The following STXBP5L variants were observed in gnomAD, a reference collection of about 807,000 sequenced individuals.
STXBP5L encodes syntaxin binding protein 5L.
A neutral mutation model predicts 144.5 loss-of-function variants in STXBP5L; 65 were observed. The observed-to-expected ratio is 0.45, with a 90% confidence interval of 0.37 to 0.55. STXBP5L has a LOEUF of 0.55. Among genes scored for constraint, STXBP5L ranks in the 20% least tolerant of loss-of-function variants. The probability of loss-of-function intolerance (pLI) is 0.00; values close to 1 mark genes in which losing one functional copy is unlikely to be tolerated. For missense variants in STXBP5L, 1,298 were observed against 1,405.5 expected (o/e 0.92, Z 1.22); for synonymous variants, 505 against 469.6 (o/e 1.08, Z -0.97).
At chr3:120,924,450 TA>T (rs1338469848) in intron 2 of STXBP5L, among the ~76,000 whole-genome samples, 1 of 152,186 alleles carries the variant, frequency 6.6e-6, no homozygotes, top group Non-Finnish European at 1.5e-5. Context: ...CAGTAATATT[TA>T]AATATAGATA....
chr3:121,057,817 T>C (rs931132372), intron 5 of STXBP5L, among the ~76,000 whole-genome samples: 1 of 152,004 alleles, frequency 6.6e-6, no homozygotes, highest in East Asian at 1.9e-4. Flanking sequence ...TAATAAAAAT[T>C]TTTAAATTCT....
chr3:121,271,933 G>T (rs999402933), intron 18 of STXBP5L, among the ~76,000 whole-genome samples: 3 of 152,162 alleles, frequency 2.0e-5, no homozygotes, highest in Non-Finnish European at 4.4e-5. Context: ...TGGAACAGGA[G>T]ATATTTGTCC....
chr3:121,166,294 C>T lies in STXBP5L; in HGVS notation c.877+8667C>T, dbSNP rs545844266. ...GTGCTGGGATTACAGGCATGACCAC[C>T]GTTCCTGGCTTTCATATATTTCAAT... On this transcript the variant is annotated intron_variant, in intron 9 of 26. Coordinates refer to ENST00000471454, the MANE Select transcript of STXBP5L (RefSeq NM_001308330.2). Among the ~76,000 whole-genome samples, 155 of 152,266 alleles carry T rather than the reference C, an allele frequency of 1.0e-3. 1 individual carries two copies. Among genetic ancestry groups the T allele is most frequent in the African/African-American group, 3.2e-3 (131 of 41,564 alleles).
At chr3:121,057,150 C>G (rs1948519225) in intron 5 of STXBP5L, among the ~76,000 whole-genome samples, 1 of 151,818 alleles carries the variant, frequency 6.6e-6, no homozygotes, top group Non-Finnish European at 1.5e-5. Context: ...GGATGAAACT[C>G]ATAAATACAG....
At chr3:121,169,260 C>T (rs2046615713) in intron 9 of STXBP5L, among the ~76,000 whole-genome samples, 1 of 152,006 alleles carries the variant, frequency 6.6e-6, no homozygotes, top group East Asian at 1.9e-4. Context: ...GATCATCCAC[C>T]CTCTGAAGAA....
At chr3:120,956,057 T>G (rs1938000100) in intron 3 of STXBP5L, among the ~76,000 whole-genome samples, 1 of 151,462 alleles carries the variant, frequency 6.6e-6, no homozygotes, top group Admixed American at 6.6e-5. Flanking sequence ...AAATTTGACT[T>G]GTTTCTGGTT....
At chr3:121,337,406 TTAGA>T (rs1182863749) in intron 20 of STXBP5L, among the ~76,000 whole-genome samples, 2 of 147,290 alleles carry the variant, frequency 1.4e-5, no homozygotes, top group South Asian at 2.1e-4. Context: ...TATTCTCATG[TTAGA>T]TAGAACAGAC....
chr3:121,036,865 C>T (rs1197872637), intron 3 of STXBP5L, among the ~76,000 whole-genome samples: 1 of 138,874 alleles, frequency 7.2e-6, no homozygotes, highest in South Asian at 2.3e-4. Context: ...AAATGTTCAA[C>T]CAACATTGCA....
At chr3:121,056,654 G>A (rs567907179) in intron 5 of STXBP5L, among the ~76,000 whole-genome samples, 2 of 152,220 alleles carry the variant, frequency 1.3e-5, no homozygotes, top group East Asian at 1.9e-4. Context: ...CATTCAAAAG[G>A]TACAACAGTG....
At chr3:121,083,841 T>G (rs2042364157) in intron 5 of STXBP5L, among the ~76,000 whole-genome samples, 2 of 152,134 alleles carry the variant, frequency 1.3e-5, no homozygotes, top group South Asian at 4.1e-4. Context: ...GTTTACAGTT[T>G]CTGAGGAATT....
intron 3 of STXBP5L, among the ~76,000 whole-genome samples, chr3:121,001,413 G>T (rs1428916798): frequency 6.6e-6 from 1 of 152,208 alleles, no homozygotes; most frequent in Non-Finnish European, 1.5e-5. Flanking sequence ...CGATAGCTCT[G>T]TTCTGTGCAA....
chr3:121,415,122 C>A lies in STXBP5L; in HGVS notation c.3115-735C>A, dbSNP rs961853813. ...AGTTCATAGGAAACCAATATTAGGT[C>A]ACAGATCTCCTGACTCAGTCTAAGT... On this transcript the variant is annotated intron_variant, in intron 24 of 26. Transcript: ENST00000471454. Among the ~76,000 whole-genome samples, 5 of 152,228 alleles carry A rather than the reference C, an allele frequency of 3.3e-5. No homozygotes were observed. In the East Asian group the frequency reaches 9.6e-4, roughly 29 times the overall value.
chr3:121,328,490 T>C (rs2044221751), intron 20 of STXBP5L, among the ~76,000 whole-genome samples: 1 of 152,208 alleles, frequency 6.6e-6, no homozygotes, highest in Admixed American at 6.5e-5. Flanking sequence ...GGCTCACGCT[T>C]GTAAACTCAG....
At chr3:121,345,807 CT>C (rs978778334) in intron 20 of STXBP5L, among the ~76,000 whole-genome samples, 6 of 151,936 alleles carry the variant, frequency 3.9e-5, no homozygotes, top group Non-Finnish European at 8.8e-5. Context: ...TAGAAGTCTT[CT>C]TTTTTTATAT....
intron 5 of STXBP5L, among the ~76,000 whole-genome samples, chr3:121,092,061 G>A (rs1388490504): frequency 2.6e-5 from 4 of 151,998 alleles, no homozygotes; most frequent in African/African-American, 7.2e-5. Context: ...GTTTTTCTCG[G>A]GTTTGTCAAA....
Position 121,351,369 on chromosome 3 carries a change from A to T in STXBP5L, c.2177-27347A>T, listed in dbSNP as rs143409932. ...CCGTGTCAGGTGTCAGTCTGCCCCT[A>T]ATGGGGGGTGCCTCCCAGTTAGGCT... is the stretch of plus-strand genomic sequence containing the variant. On this transcript the variant is annotated intron_variant, in intron 20 of 26. Coordinates refer to ENST00000471454, the MANE Select transcript of STXBP5L (RefSeq NM_001308330.2). Among the ~76,000 whole-genome samples the T allele has an allele frequency of 4.6e-3, 693 of 152,054 alleles. 7 individuals carry two copies. The highest frequency in any genetic ancestry group is 0.016 in the African/African-American group (661 of 41,442).
chr3:121,303,006 G>A (rs567520673), intron 19 of STXBP5L, among the ~76,000 whole-genome samples: 6 of 152,254 alleles, frequency 3.9e-5, no homozygotes, highest in African/African-American at 4.8e-5. Context: ...AAAAGCAATG[G>A]CAACAAAAGC....
intron 10 of STXBP5L, among the ~76,000 whole-genome samples, chr3:121,216,847 G>A (rs941529962): frequency 6.6e-6 from 1 of 152,142 alleles, no homozygotes; most frequent in Non-Finnish European, 1.5e-5. Flanking sequence ...AGCCCTGACT[G>A]GGGCTGCTGC....
chr3:121,379,002 A>T, intron 21 of STXBP5L, 116 bp downstream of exon 21: 1 of 1,088,686 alleles, frequency 9.2e-7, no homozygotes, highest in South Asian at 1.7e-5. Flanking sequence ...ACTACTAATC[A>T]GTGAATACCT....
Sources: allele counts gnomAD v4.1 joint callset (sites outside exome capture counted in the v4.1 genomes callset), GRCh38; gene constraint gnomAD v4.1.1; transcripts MANE v1.5; gene names NCBI Gene and HGNC (gene_info 2026-07-23, HGNC 2026-07-21).